ZNF704: variants seen among roughly 807,000 people sequenced by gnomAD.
The protein encoded by ZNF704 is glucocorticoid induced gene 1.
ZNF704 carries 10 observed loss-of-function variants against 44.7 expected under a neutral mutation model. The observed-to-expected ratio is 0.22, with a 90% CI of 0.14 to 0.38. The LOEUF is 0.38. Ranked by LOEUF, ZNF704 falls within the 10% of genes least tolerant of loss-of-function variation. ZNF704 has a pLI of 1.00. For missense variants in ZNF704, 390 were observed against 545.5 expected (o/e 0.71, Z 2.84); for synonymous variants, 211 against 207.6 (o/e 1.02, Z -0.14).
chr8:80,736,939 T>C (rs77974611), intron 2 of ZNF704, among the ~76,000 whole-genome samples: 2,812 of 152,180 alleles, frequency 0.018, 100 homozygotes, highest in African/African-American at 0.064. Flanking sequence ...CCTGGTGTTT[T>C]TTTTTTTAAA....
At chr8:80,853,894 G>A (rs975148524) in intron 1 of ZNF704, among the ~76,000 whole-genome samples, 3 of 152,158 alleles carry the variant, frequency 2.0e-5, no homozygotes, top group African/African-American at 4.8e-5. Context: ...GGTGTGTCAC[G>A]AGGTTAACGG....
At chr8:80,786,333 C>T (rs1222558185) in intron 2 of ZNF704, among the ~76,000 whole-genome samples, 1 of 152,164 alleles carries the variant, frequency 6.6e-6, no homozygotes, top group Non-Finnish European at 1.5e-5. Context: ...GAGCTACAGT[C>T]AGCTATCTGG....
rs75510222 is a variant in ZNF704, at chr8:80,692,567, A to G, written c.325+437T>C. On this transcript the variant is annotated intron_variant, in intron 3 of 8. Transcript: ENST00000327835. ...GTGTGTGGAATAAATGAATGACCTA[A>G]ATAATTCTATTTGATTAAGGAGTCT... 9.7e-3 allele frequency among the ~76,000 whole-genome samples: 1,479 copies of G among 152,324 alleles called. 35 individuals carry two copies. The highest frequency in any genetic ancestry group is 0.034 in the African/African-American group (1,396 of 41,566).
intron 2 of ZNF704, among the ~76,000 whole-genome samples, chr8:80,760,524 C>T (rs1586008170): frequency 1.3e-5 from 2 of 151,846 alleles, no homozygotes; most frequent in South Asian, 4.2e-4. Flanking sequence ...GGTGTGGTGG[C>T]ATACGCCTGT....
intron 1 of ZNF704, among the ~76,000 whole-genome samples, chr8:80,866,162 A>C (rs569075142): frequency 9.2e-5 from 14 of 152,242 alleles, no homozygotes; most frequent in African/African-American, 3.4e-4. Context: ...ACTTGGTTAC[A>C]GTTGTTTTAA....
intron 8 of ZNF704, among the ~76,000 whole-genome samples, chr8:80,642,456 T>C (rs1356902895): frequency 6.6e-6 from 1 of 152,174 alleles, no homozygotes; most frequent in Non-Finnish European, 1.5e-5. Context: ...GTGTAGACAG[T>C]GTAGATACAC....
intron 4 of ZNF704, among the ~76,000 whole-genome samples, chr8:80,676,633 A>G (rs1430241896): frequency 6.6e-6 from 1 of 152,216 alleles, no homozygotes; most frequent in Non-Finnish European, 1.5e-5. Flanking sequence ...ATGAAGTTTG[A>G]GGATACTTGA....
chr8:80,713,068 TA>T (rs752600323), intron 2 of ZNF704, among the ~76,000 whole-genome samples: 3 of 152,020 alleles, frequency 2.0e-5, no homozygotes, highest in Non-Finnish European at 4.4e-5. Flanking sequence ...GCTAATTTTT[TA>T]TATTTTCAGT....
At chr8:80,764,188 T>C (rs1162356954) in intron 2 of ZNF704, among the ~76,000 whole-genome samples, 1 of 152,220 alleles carries the variant, frequency 6.6e-6, no homozygotes, top group Non-Finnish European at 1.5e-5. Context: ...TACCAATTTA[T>C]TGTATTGGTA....
At position 80,716,370 on chromosome 8, in the gene ZNF704, T is replaced by G. The variant is rs150339548; in HGVS notation, c.222-23263A>C. On this transcript the variant is annotated intron_variant, in intron 2 of 8. Coordinates refer to ENST00000327835, the MANE Select transcript of ZNF704 (RefSeq NM_001033723.3). ...CCAGCCTGCTTTCTAAAGCACTTCT[T>G]TCTCTTGATAGGGTCAAAGGAAATC... is the stretch of plus-strand genomic sequence containing the variant. 2.9e-4 allele frequency among the ~76,000 whole-genome samples: 44 copies of G among 152,338 alleles called. No individual in the cohort carries two copies. The East Asian group carries it at 7.7e-3, about 27-fold the overall frequency.
intron 2 of ZNF704, among the ~76,000 whole-genome samples, chr8:80,730,723 C>T (rs547001871): frequency 6.6e-6 from 1 of 151,996 alleles, no homozygotes; most frequent in Non-Finnish European, 1.5e-5. Context: ...TTGCAAACAA[C>T]ATTACTTCTA....
chr8:80,779,328 G>A (rs1322655113), intron 2 of ZNF704, among the ~76,000 whole-genome samples: 1 of 152,094 alleles, frequency 6.6e-6, no homozygotes, highest in Non-Finnish European at 1.5e-5. Context: ...TGCAACCCCT[G>A]CCTCCCAGGT....
chr8:80,851,175 G>C (rs1470139999), intron 1 of ZNF704, among the ~76,000 whole-genome samples: 2 of 152,178 alleles, frequency 1.3e-5, no homozygotes, highest in Non-Finnish European at 2.9e-5. Context: ...ATTCCTCAGG[G>C]AACTAGAACT....
chr8:80,737,062 A>G (rs1479392743), intron 2 of ZNF704, among the ~76,000 whole-genome samples: 3 of 152,190 alleles, frequency 2.0e-5, no homozygotes, highest in Non-Finnish European at 4.4e-5. Context: ...TTTTTGAACA[A>G]TAACGCTATA....
At chr8:80,681,681 G>A (rs959391169) in intron 4 of ZNF704, among the ~76,000 whole-genome samples, 8 of 152,034 alleles carry the variant, frequency 5.3e-5, no homozygotes, top group African/African-American at 1.7e-4. Flanking sequence ...ACAACAAAAC[G>A]ATTTCTGAAT....
rs73693838 is a variant in ZNF704 at position 80,708,701 on chromosome 8, T to C, written c.222-15594A>G. Among the ~76,000 whole-genome samples, 327 of 152,360 alleles carry C rather than the reference T, an allele frequency of 2.1e-3. 2 individuals carry two copies. Among genetic ancestry groups the C allele is most frequent in the Middle Eastern group, 0.01 (3 of 292 alleles). ...CAGTTTATAGGCGCACTTACTGTAA[T>C]AGCATGTTGATTCAACTATGTTGGA... is the stretch of plus-strand genomic sequence containing the variant. On this transcript the variant is annotated intron_variant, in intron 2 of 8. Coordinates refer to ENST00000327835, the MANE Select transcript of ZNF704 (RefSeq NM_001033723.3).
upstream of ZNF704, among the ~76,000 whole-genome samples, chr8:80,875,578 A>G (rs776515093): frequency 5.3e-5 from 8 of 152,202 alleles, no homozygotes; most frequent in Admixed American, 3.9e-4. Context: ...TGCTGGGATT[A>G]CAGGTGTGAG....
At chr8:80,701,114 C>T (rs1818803206) in intron 2 of ZNF704, among the ~76,000 whole-genome samples, 2 of 152,102 alleles carry the variant, frequency 1.3e-5, no homozygotes, top group Admixed American at 6.5e-5. Context: ...TTCTGCTCCA[C>T]TGGCCCAGAA....
upstream of ZNF704, among the ~76,000 whole-genome samples, chr8:80,877,601 G>A (rs751022782): frequency 1.3e-5 from 2 of 152,162 alleles, no homozygotes; most frequent in African/African-American, 4.8e-5. Flanking sequence ...TCAGAATGAG[G>A]AAATGTGCCT....
Sources: allele counts gnomAD v4.1 joint callset (sites outside exome capture counted in the v4.1 genomes callset), GRCh38; gene constraint gnomAD v4.1.1; transcripts MANE v1.5; gene names NCBI Gene and HGNC (gene_info 2026-07-23, HGNC 2026-07-21).